ANKRD50: variants seen among roughly 807,000 people sequenced by gnomAD.
ANKRD50 encodes the protein ankyrin repeat domain 50.
A neutral mutation model predicts 112.0 loss-of-function variants in ANKRD50; 40 were observed. The observed-to-expected ratio is 0.36, with a 90% confidence interval of 0.28 to 0.46. The LOEUF is 0.46. Among genes scored for constraint, ANKRD50 ranks in the 20% least tolerant of loss-of-function variants. ANKRD50 has a pLI of 1.00. For synonymous variants in ANKRD50, 613 were observed against 619.1 expected (o/e 0.99, Z 0.15); for missense variants, 1,487 against 1,701.7 (o/e 0.87, Z 2.22).
At chr4:124,676,563 T>C (rs1387056711) in intron 3 of ANKRD50, among the ~76,000 whole-genome samples, 1 of 151,572 alleles carries the variant, frequency 6.6e-6, no homozygotes, top group African/African-American at 2.4e-5. Context: ...CAAGTAATTG[T>C]AAAGGAAGTC....
intron 2 of ANKRD50, among the ~76,000 whole-genome samples, chr4:124,689,336 T>C (rs1578584481): frequency 6.6e-6 from 1 of 152,170 alleles, no homozygotes; most frequent in East Asian, 1.9e-4. Flanking sequence ...CAGTTCACTG[T>C]TGGCTTGCAC....
intron 2 of ANKRD50, among the ~76,000 whole-genome samples, chr4:124,694,620 TACC>T (rs1222718954): frequency 6.6e-6 from 1 of 152,170 alleles, no homozygotes; most frequent in African/African-American, 2.4e-5. Context: ...CACTGCTGAC[TACC>T]ACCCAAGGCT....
Position 124,669,050 on chromosome 4 carries a change from A to G in ANKRD50, c.4227T>C (p.Ala1409=). Residue 1409 remains alanine (A), a synonymous_variant, in exon 4 of 5, where the codon GCT becomes GCC. Transcript: ENST00000504087. ...CAGAACCTTCAATCTGAAGCTTCAG[A>G]GCTTGTTTAAGGCTTAATTCTGTCT... The part of the protein sequence containing the change: ...SSETELSLKQ[A]LKLQIEGSDP... The G allele has an allele frequency of 1.9e-6, 3 of 1,613,100 alleles. No homozygotes were observed. In the South Asian group the frequency reaches 3.3e-5, roughly 18 times the overall value.
chr4:124,673,829 C>CTAATA (rs1447167249), intron 3 of ANKRD50, among the ~76,000 whole-genome samples: 2 of 151,974 alleles, frequency 1.3e-5, no homozygotes, highest in Non-Finnish European at 2.9e-5. Context: ...AACAGTTGTA[C>CTAATA]TAATATAGCC....
intron 1 of ANKRD50, among the ~76,000 whole-genome samples, 163 bp downstream of exon 1, chr4:124,712,295 G>A (rs777411514): frequency 9.2e-5 from 14 of 152,078 alleles, no homozygotes; most frequent in Middle Eastern, 3.4e-3. Context: ...CCCCGCTCCC[G>A]CTCCCACCCG....
At position 124,670,470 on chromosome 4, in the gene ANKRD50, C is replaced by A; in HGVS notation, c.2807G>T (p.Gly936Val). 1.2e-6 allele frequency: 2 copies of A among 1,613,832 alleles called. No homozygotes were observed. The highest frequency in any genetic ancestry group is 1.7e-6 in the Non-Finnish European group (2 of 1,179,874). The change falls in exon 4 of 5, where the codon GGT becomes GTT. Residue 936 changes from glycine to valine, a missense_variant. By Grantham distance (109) the Gly-to-Val change is moderately radical. Transcript: ENST00000504087. Reference protein sequence around the residue: ...RDIVELLFSHGADVNCKDADG... With the variant: ...RDIVELLFSHVADVNCKDADG... ...AGCATCTTTGCAGTTAACATCAGCA[C>A]CATGGCTAAAAAGCAATTCAACAAT...
rs146823198 is a variant in ANKRD50, at chr4:124,670,171, C to T, written c.3106G>A (p.Ala1036Thr). 2 of 1,612,530 alleles carry T rather than the reference C, an allele frequency of 1.2e-6. No individual in the cohort carries two copies. Among genetic ancestry groups the T allele is most frequent in the Non-Finnish European group, 1.7e-6 (2 of 1,179,552 alleles). Residue 1036 changes from alanine (A) to threonine (T), a missense_variant, in exon 4 of 5, where the codon GCT (alanine) becomes ACT (threonine). Physicochemically the swap from Ala to Thr is moderately conservative, Grantham distance 58 (BLOSUM62 0). Transcript: ENST00000504087. The part of the protein sequence containing the change: ...KVVQLLIEHG[A>T]VVDHTCNQGA... ...TGGTTACATGTATGGTCAACTACAG[C>T]ACCATGCTCAATCAGAAGCTGAACC...
intron 2 of ANKRD50, among the ~76,000 whole-genome samples, chr4:124,694,832 A>G (rs909948001): frequency 2.0e-5 from 3 of 152,168 alleles, no homozygotes; most frequent in Admixed American, 6.5e-5. Context: ...ATCAATAACA[A>G]TTAGAGCAGG....
chr4:124,670,202 T>C lies in ANKRD50; in HGVS notation c.3075A>G (p.Val1025=), dbSNP rs757069076. Residue 1025 remains valine (V), a synonymous_variant, in exon 4 of 5, where the codon GTA becomes GTG. Coordinates refer to ENST00000504087, the MANE Select transcript of ANKRD50 (RefSeq NM_020337.3). The part of the protein sequence containing the change: ...ALQSAAWQGH[V]KVVQLLIEHG... Reference sequence around the variant, plus strand: ...GCTCAATCAGAAGCTGAACCACTTTTACATGGCCCTGCCAGGCTGCAGACT... The same window carrying C: ...GCTCAATCAGAAGCTGAACCACTTTCACATGGCCCTGCCAGGCTGCAGACT... 1.6e-5 allele frequency: 25 copies of C among 1,612,800 alleles called. No individual in the cohort carries two copies. The highest frequency in any genetic ancestry group is 2.0e-5 in the Non-Finnish European group (24 of 1,179,628).
At chr4:124,676,345 T>C (rs930821658) in intron 3 of ANKRD50, among the ~76,000 whole-genome samples, 2 of 151,586 alleles carry the variant, frequency 1.3e-5, no homozygotes, top group Non-Finnish European at 3.0e-5. Context: ...TAAAAATATA[T>C]AATTTAAAAT....
intron 2 of ANKRD50, among the ~76,000 whole-genome samples, chr4:124,698,545 ATAGT>A (rs1725308105): frequency 1.3e-5 from 2 of 152,044 alleles, no homozygotes; most frequent in South Asian, 4.2e-4. Context: ...AAGGGAATGG[ATAGT>A]TAGTGTTTCT....
chr4:124,701,738 C>T (rs144837537), intron 2 of ANKRD50, among the ~76,000 whole-genome samples: 445 of 152,112 alleles, frequency 2.9e-3, no homozygotes, highest in African/African-American at 0.01. Context: ...TGTTGCCAGG[C>T]TGGTCTCAAA....
Position 124,710,656 on chromosome 4 carries a change from G to A in ANKRD50, c.-145C>T, listed in dbSNP as rs1249222142. On this transcript the variant is annotated 5_prime_UTR_variant, in exon 2 of 5. Transcript: ENST00000504087. ...AATTCAACAGCCACAGAGTTCCTCT[G>A]TCAACAGAACGTGCATGACTTTATT... The A allele has an allele frequency of 1.0e-5, 10 of 972,358 alleles. No homozygotes were observed. The African/African-American group carries it at 1.5e-4, about 14-fold the overall frequency. 60.2% of individuals were successfully genotyped at this position (972,358 alleles called of 1,614,324 possible).
intron 2 of ANKRD50, among the ~76,000 whole-genome samples, chr4:124,707,718 A>G (rs1725537273): frequency 6.6e-6 from 1 of 152,142 alleles, no homozygotes; most frequent in African/African-American, 2.4e-5. Context: ...GGGAATGCAA[A>G]GTGATTGGCT....
intron 2 of ANKRD50, among the ~76,000 whole-genome samples, chr4:124,689,847 A>T (rs1364592764): frequency 6.6e-6 from 1 of 152,174 alleles, no homozygotes; most frequent in Admixed American, 6.5e-5. Context: ...CTGTTTGTCT[A>T]GAGAATCATA....
intron 2 of ANKRD50, among the ~76,000 whole-genome samples, chr4:124,702,325 T>C (rs1425627118): frequency 6.6e-6 from 1 of 152,130 alleles, no homozygotes; most frequent in Non-Finnish European, 1.5e-5. Flanking sequence ...AATGGGTGAA[T>C]AAAAATTGTA....
Position 124,669,355 on chromosome 4 carries a change from C to T in ANKRD50, c.3922G>A (p.Gly1308Arg). ...EYEMTQFDRRGPIAKSGTAAP... is the reference protein window; with the variant it reads ...EYEMTQFDRRRPIAKSGTAAP... The stretch of plus-strand genomic sequence containing the variant: ...GCAGTCCCGGATTTGGCTATAGGTC[C>T]TCTTCTATCAAACTGAGTCATTTCA... The change falls in exon 4 of 5, where the codon GGA becomes AGA. Residue 1308 changes from glycine (G) to arginine (R), a missense_variant. This residue lies in a region of ANKRD50 where 441 missense variants were observed against 432.2 expected (regional missense o/e 1.02). Coordinates refer to ENST00000504087, the MANE Select transcript of ANKRD50 (RefSeq NM_020337.3). 2 of 1,613,616 alleles carry T rather than the reference C, an allele frequency of 1.2e-6. No individual in the cohort carries two copies. Among genetic ancestry groups the T allele is most frequent in the Non-Finnish European group, 1.7e-6 (2 of 1,179,790 alleles).
rs1279328365 is a variant in ANKRD50 at position 124,666,558 on chromosome 4, C to T, written c.*960G>A. On this transcript the variant is annotated 3_prime_UTR_variant, in exon 5 of 5. Coordinates refer to ENST00000504087, the MANE Select transcript of ANKRD50 (RefSeq NM_020337.3). The stretch of plus-strand genomic sequence containing the variant: ...TAGAAACCGCTGAGAGAGAAGCCAG[C>T]AAAATTAATTTATTTAGCCAGGAGG... 1 of 152,128 alleles carries T rather than the reference C, an allele frequency of 6.6e-6. No individual in the cohort carries two copies. Among genetic ancestry groups the T allele is most frequent in the Non-Finnish European group, 1.5e-5 (1 of 67,914 alleles). The allele number at this position is 152,128 out of a possible 1,614,324, so 9.4% of individuals were successfully genotyped here.
chr4:124,697,588 G>A (rs963572509), intron 2 of ANKRD50, among the ~76,000 whole-genome samples: 1 of 152,118 alleles, frequency 6.6e-6, no homozygotes, highest in African/African-American at 2.4e-5. Flanking sequence ...TCTCTGCCAT[G>A]CTGTCACATA....
Sources: gnomAD v4.1 joint callset for allele counts (sites outside exome capture counted in the v4.1 genomes callset) on GRCh38, gnomAD v4.1.1 for gene constraint, gnomAD v4.1.1 regional missense constraint, MANE v1.5 for transcripts, NCBI Gene and HGNC (gene_info 2026-07-23, HGNC 2026-07-21) for gene names.